The following OTOG variants were observed in gnomAD, a reference collection of about 807,000 sequenced individuals.
OTOG encodes the protein otogelin.
OTOG carries 296 observed loss-of-function variants against 313.8 expected under a neutral mutation model. The observed-to-expected ratio is 0.94, with a 90% CI of 0.86 to 1.04. The LOEUF is 1.04. Ranked by LOEUF, OTOG falls within the 50% of genes least tolerant of loss-of-function variation. The pLI is 0.00. For missense variants in OTOG, 3,948 were observed against 3,840.1 expected (o/e 1.03, Z -0.74); for synonymous variants, 1,533 against 1,554.9 (o/e 0.99, Z 0.33).
At chr11:17,590,264 T>A (rs894495863) in intron 24 of OTOG, among the ~76,000 whole-genome samples, 2 of 152,180 alleles carry the variant, frequency 1.3e-5, no homozygotes, top group Non-Finnish European at 2.9e-5. Context: ...GCACATCTGA[T>A]CTTCCCCCTC....
At chr11:17,593,812 G>T in intron 27 of OTOG, 56 bp downstream of exon 27, 8 of 1,531,444 alleles carry the variant, frequency 5.2e-6, no homozygotes. Flanking sequence ...CAAGCCCTGG[G>T]TGTCCTTGGG....
intron 15 of OTOG, among the ~76,000 whole-genome samples, chr11:17,562,519 CA>C (rs1468533014): frequency 6.6e-6 from 1 of 152,034 alleles, no homozygotes; most frequent in Non-Finnish European, 1.5e-5. Flanking sequence ...GGCATTCAGG[CA>C]ACTTCTTTTG....
rs923873445 is a variant in OTOG at position 17,629,241 on chromosome 11, C to T, written c.6637C>T (p.Gln2213Ter). The T allele has an allele frequency of 3.2e-6, 5 of 1,550,622 alleles. No homozygotes were observed. The highest frequency in any genetic ancestry group is 1.2e-5 in the South Asian group (1 of 84,058). ...CCTGACTCCCTCAGACATCCAGATCCAGTGGCTCCACAGCTCAGGACTCAT... is the reference window on the plus strand; with the variant it reads ...CCTGACTCCCTCAGACATCCAGATCTAGTGGCTCCACAGCTCAGGACTCAT... The part of the protein sequence containing the change: ...MILTPSDIQI[Q>*]WLHSSGLMIV... Residue 2213 changes from glutamine to a stop codon, truncating the protein, a stop_gained, in exon 40 of 56, where the codon CAG becomes TAG. Coordinates refer to ENST00000399397, the MANE Select transcript of OTOG (RefSeq NM_001292063.2). LOFTEE classifies it high-confidence loss of function.
intron 51 of OTOG, 112 bp from the exon 52 acceptor site, chr11:17,641,735 C>T (rs1847974368): frequency 5.5e-6 from 4 of 721,124 alleles, no homozygotes; most frequent in South Asian, 1.9e-5. Flanking sequence ...TCTTCTCGAG[C>T]ACTTACAGAG....
chr11:17,600,577 C>A (rs1228226037), intron 31 of OTOG, among the ~76,000 whole-genome samples: 1 of 152,136 alleles, frequency 6.6e-6, no homozygotes, highest in Non-Finnish European at 1.5e-5. Flanking sequence ...ATCTGGGGGC[C>A]TGCGAGATGA....
At chr11:17,636,750 G>A (rs574757070) in intron 47 of OTOG, among the ~76,000 whole-genome samples, 45 of 151,966 alleles carry the variant, frequency 3.0e-4, no homozygotes, top group African/African-American at 1.0e-3. Context: ...CATGTTTCTC[G>A]GGGGGCAGCC....
rs1280222745 is a variant in OTOG, at chr11:17,639,337, G to A, written c.7895-86G>A. On this transcript the variant is annotated intron_variant, in intron 48 of 55. Transcript: ENST00000399397. ...GCTGGGTCTTCAGAAGACGGGTTGT[G>A]CCAGCAGTGAGAGGTCCAGGGTACC... is the stretch of plus-strand genomic sequence containing the variant. 3 of 1,417,778 alleles carry A rather than the reference G, an allele frequency of 2.1e-6. No homozygotes were observed. The African/African-American group carries it at 4.3e-5, about 20-fold the overall frequency. The allele number at this position is 1,417,778 out of a possible 1,614,324, so 87.8% of individuals were successfully genotyped here.
chr11:17,612,865 A>G (rs1853596793), intron 38 of OTOG, 100 bp downstream of exon 38: 1 of 1,365,838 alleles, frequency 7.3e-7, no homozygotes, highest in Non-Finnish European at 9.8e-7. Context: ...GCAAAGACAG[A>G]TGTGGAAGCC....
rs1042041539 is a variant in OTOG, at chr11:17,551,941, C to T, written c.217-59C>T. On this transcript the variant is annotated intron_variant, in intron 3 of 55. Coordinates refer to ENST00000399397, the MANE Select transcript of OTOG (RefSeq NM_001292063.2). ...AGGGCTGTGGCCACCAGGAAGCCTG[C>T]CTGGGAACCCGTCCTGAGGTCAGCC... The T allele has an allele frequency of 5.4e-6, 8 of 1,482,570 alleles. No homozygotes were observed. The East Asian group carries it at 1.2e-4, about 23-fold the overall frequency. 91.8% of individuals were successfully genotyped at this position (1,482,570 alleles called of 1,614,324 possible). A position where few individuals can be genotyped will look rare whatever the true frequency, so the allele number is the denominator to read the frequency against.
Position 17,560,808 on chromosome 11 carries a change from G to A in OTOG, c.1442G>A (p.Cys481Tyr). The A allele has an allele frequency of 6.5e-7, 1 of 1,550,040 alleles. No homozygotes were observed. The highest frequency in any genetic ancestry group is 8.7e-7 in the Non-Finnish European group (1 of 1,146,254). ...CCTGGCTCTGTGGTGAAGGAAGACT[G>A]CAATACTTGGTCTGTGTCTGCTGCC... ...YPPGSVVKED[C>Y]NTCTCTSGKW... The change falls in exon 13 of 56, where the codon TGC becomes TAC. Residue 481 changes from cysteine to tyrosine, a missense_variant. Cys to Tyr is a radical substitution (Grantham distance 194). Transcript: ENST00000399397.
At chr11:17,635,406 G>A (rs1374379255) in intron 46 of OTOG, among the ~76,000 whole-genome samples, 5 of 152,170 alleles carry the variant, frequency 3.3e-5, no homozygotes, top group Admixed American at 3.3e-4. Context: ...ACTGGTGCTT[G>A]TTCTGTGTAA....
At chr11:17,635,231 A>T (rs1426527158) in intron 46 of OTOG, 44 bp downstream of exon 46, 1 of 1,465,794 alleles carries the variant, frequency 6.8e-7, no homozygotes, top group Non-Finnish European at 9.2e-7. Flanking sequence ...GCCTGATCAC[A>T]GTCCGCCGGC....
intron 23 of OTOG, among the ~76,000 whole-genome samples, chr11:17,579,319 T>C (rs1179736488): frequency 6.6e-6 from 1 of 152,110 alleles, no homozygotes; most frequent in Admixed American, 6.5e-5. Context: ...GGACAGTCAG[T>C]TGGAGCTTTA....
intron 25 of OTOG, among the ~76,000 whole-genome samples, chr11:17,592,367 T>G (rs1471178035): frequency 6.6e-6 from 1 of 152,222 alleles, no homozygotes; most frequent in Non-Finnish European, 1.5e-5. Flanking sequence ...TTCACATAAT[T>G]GCAGTAACTC....
chr11:17,616,490 G>A (rs1225120593), intron 39 of OTOG, among the ~76,000 whole-genome samples: 1 of 152,094 alleles, frequency 6.6e-6, no homozygotes, highest in African/African-American at 2.4e-5. Flanking sequence ...CTTAACACTG[G>A]TGAGTCTTCC....
chr11:17,582,090 C>G (rs1004270238), intron 23 of OTOG, among the ~76,000 whole-genome samples: 4 of 152,008 alleles, frequency 2.6e-5, no homozygotes, highest in East Asian at 1.9e-4. Flanking sequence ...TAAAATGTAC[C>G]TACTTTTAGT....
In OTOG at chr11:17,576,811, T is replaced by C; in HGVS notation, c.2562-57T>C. On this transcript the variant is annotated intron_variant, in intron 21 of 55. Transcript: ENST00000399397. ...GTGACCCGAGTGCAGCAACATGGGG[T>C]GTCTGGGTCCTGCAGTGACTGGGTC... is the stretch of plus-strand genomic sequence containing the variant. The C allele has an allele frequency of 1.9e-6, 3 of 1,539,318 alleles. No individual in the cohort carries two copies. In the Middle Eastern group the frequency reaches 5.0e-4, roughly 259 times the overall value.
chr11:17,555,983 A>C, intron 7 of OTOG, 86 bp downstream of exon 7: 1 of 1,082,278 alleles, frequency 9.2e-7, no homozygotes, highest in East Asian at 2.6e-5. Context: ...TCTCAAGCCC[A>C]AAGGAAATTG....
chr11:17,600,216 T>G (rs1246620020), intron 31 of OTOG, among the ~76,000 whole-genome samples: 1 of 146,700 alleles, frequency 6.8e-6, no homozygotes, highest in Non-Finnish European at 1.5e-5. Flanking sequence ...AAAACACAGG[T>G]CATAACCAAA....
Sources: gnomAD v4.1 joint callset for allele counts (sites outside exome capture counted in the v4.1 genomes callset) on GRCh38, gnomAD v4.1.1 for gene constraint, MANE v1.5 for transcripts, NCBI Gene and HGNC (gene_info 2026-07-23, HGNC 2026-07-21) for gene names.